The following APP variants were observed in gnomAD, a reference collection of about 807,000 sequenced individuals.
APP encodes amyloid beta precursor protein, also known as amyloid-beta precursor protein.
A neutral mutation model predicts 101.4 loss-of-function variants in APP; 31 were observed. The observed-to-expected ratio is 0.31, with a 90% CI of 0.23 to 0.41. APP has a LOEUF of 0.41. APP is among the 10% of genes least tolerant of loss of function. The probability of loss-of-function intolerance (pLI) is 1.00; values close to 1 mark genes in which losing one functional copy is unlikely to be tolerated. For missense variants in APP, 839 were observed against 1,003.7 expected (o/e 0.84, Z 2.22); for synonymous variants, 366 against 364.4 (o/e 1.00, Z -0.05).
intron 1 of APP, among the ~76,000 whole-genome samples, chr21:26,163,509 C>T (rs942724151): frequency 2.6e-5 from 4 of 152,134 alleles, no homozygotes; most frequent in Admixed American, 6.5e-5. Flanking sequence ...CCTATTTATT[C>T]CTCATCCCTG....
At chr21:26,024,791 T>A (rs1434347844) in intron 5 of APP, among the ~76,000 whole-genome samples, 2 of 152,108 alleles carry the variant, frequency 1.3e-5, no homozygotes, top group African/African-American at 4.8e-5. Flanking sequence ...TTCAAAAAAA[T>A]GTGTATGACC....
At chr21:25,958,911 C>A (rs2041451976) in intron 11 of APP, among the ~76,000 whole-genome samples, 1 of 152,162 alleles carries the variant, frequency 6.6e-6, no homozygotes, top group African/African-American at 2.4e-5. Context: ...AGAGTCATAG[C>A]AGCTCTCCCC....
intron 13 of APP, among the ~76,000 whole-genome samples, chr21:25,949,785 G>T (rs1008037614): frequency 5.9e-5 from 9 of 152,212 alleles, no homozygotes; most frequent in Non-Finnish European, 1.0e-4. Context: ...CTTTCACATT[G>T]AGGTTAAGTA....
chr21:25,963,160 T>G (rs1037559142), intron 11 of APP, among the ~76,000 whole-genome samples: 2 of 152,190 alleles, frequency 1.3e-5, no homozygotes, highest in Non-Finnish European at 2.9e-5. Context: ...CGTATTTACT[T>G]TTTCATTTTT....
At chr21:25,940,492 T>C (rs1233563156) in intron 13 of APP, among the ~76,000 whole-genome samples, 1 of 152,180 alleles carries the variant, frequency 6.6e-6, no homozygotes, top group African/African-American at 2.4e-5. Flanking sequence ...AAACTACCAA[T>C]TGGCCATAAT....
At chr21:26,109,718 A>T (rs2062268227) in intron 2 of APP, among the ~76,000 whole-genome samples, 1 of 4,958 alleles carries the variant, frequency 2.0e-4, no homozygotes, top group Admixed American at 2.9e-3. Flanking sequence ...GGGGTCAAGA[A>T]GAGTAATTTT....
At chr21:25,910,702 C>T (rs2039028789) in intron 14 of APP, among the ~76,000 whole-genome samples, 1 of 152,182 alleles carries the variant, frequency 6.6e-6, no homozygotes, top group Non-Finnish European at 1.5e-5. Context: ...TCTTACTTCT[C>T]TGAGGTACCA....
At chr21:26,002,696 A>G (rs1172061801) in intron 6 of APP, among the ~76,000 whole-genome samples, 1 of 152,112 alleles carries the variant, frequency 6.6e-6, no homozygotes, top group Non-Finnish European at 1.5e-5. Context: ...GAATCCCTTC[A>G]CCCCATAGTC....
At chr21:25,918,537 G>A (rs2039470243) in intron 13 of APP, among the ~76,000 whole-genome samples, 1 of 152,070 alleles carries the variant, frequency 6.6e-6, no homozygotes, top group Non-Finnish European at 1.5e-5. Context: ...CCGTGCGCGA[G>A]CCGAAGCAGG....
At chr21:26,007,703 G>A (rs2043598748) in intron 6 of APP, among the ~76,000 whole-genome samples, 1 of 151,800 alleles carries the variant, frequency 6.6e-6, no homozygotes, top group South Asian at 2.1e-4. Context: ...TGATTCTACT[G>A]ATGAAAAAAT....
intron 5 of APP, among the ~76,000 whole-genome samples, chr21:26,025,298 C>A (rs181983472): frequency 5.6e-4 from 85 of 152,258 alleles, no homozygotes; most frequent in African/African-American, 1.9e-3. Context: ...GTTAATTTAC[C>A]GTGTTTGAGA....
chr21:26,095,104 A>G (rs1601445153), intron 2 of APP, among the ~76,000 whole-genome samples: 1 of 152,184 alleles, frequency 6.6e-6, no homozygotes, highest in Non-Finnish European at 1.5e-5. Flanking sequence ...TTGGCCTCCC[A>G]AAGTGTTGGG....
At chr21:25,972,765 A>G (rs903889915) in intron 11 of APP, among the ~76,000 whole-genome samples, 2 of 152,172 alleles carry the variant, frequency 1.3e-5, no homozygotes, top group African/African-American at 4.8e-5. Context: ...ATCTGCGCAA[A>G]GAGTTTACAG....
chr21:26,121,997 G>C (rs1157717864), intron 1 of APP, among the ~76,000 whole-genome samples: 1 of 152,200 alleles, frequency 6.6e-6, no homozygotes, highest in African/African-American at 2.4e-5. Context: ...GAGGTAGTGG[G>C]TCTACCATTT....
rs143748572 is a variant in APP at position 25,913,152 on chromosome 21, T to C, written c.1688-1190A>G. 1.8e-4 allele frequency among the ~76,000 whole-genome samples: 27 copies of C among 152,106 alleles called. No homozygotes were observed. The East Asian group carries it at 3.7e-3, about 21-fold the overall frequency. ...ATCATCTTTCAAATTCTCTTTTCTA[T>C]TGACAAAAAATGTATCTGAAAAATT... On this transcript the variant is annotated intron_variant, in intron 13 of 17. Transcript: ENST00000346798.
At chr21:26,108,257 CATTT>C (rs937497522) in intron 2 of APP, among the ~76,000 whole-genome samples, 3 of 152,348 alleles carry the variant, frequency 2.0e-5, no homozygotes, top group African/African-American at 7.2e-5. Context: ...AACTCAGTAA[CATTT>C]ATGATGTATT....
chr21:26,075,361 A>C (rs887899446), intron 3 of APP, among the ~76,000 whole-genome samples: 1 of 152,180 alleles, frequency 6.6e-6, no homozygotes, highest in African/African-American at 2.4e-5. Flanking sequence ...ACTTATTCAC[A>C]ATATAGCTGC....
At chr21:25,995,943 G>C (rs985933985) in intron 8 of APP, among the ~76,000 whole-genome samples, 4 of 143,468 alleles carry the variant, frequency 2.8e-5, no homozygotes, top group African/African-American at 1.0e-4. Context: ...TTGAGATGAG[G>C]GTTTTTTTTT....
chr21:25,890,155 C>T (rs574465405), intron 17 of APP, among the ~76,000 whole-genome samples: 6 of 152,098 alleles, frequency 3.9e-5, no homozygotes, highest in Non-Finnish European at 7.4e-5. Flanking sequence ...TGGGTCAGTC[C>T]GTTCCTTTCC....
Sources: gnomAD v4.1 joint callset for allele counts (sites outside exome capture counted in the v4.1 genomes callset) on GRCh38, gnomAD v4.1.1 for gene constraint, MANE v1.5 for transcripts, NCBI Gene and HGNC (gene_info 2026-07-23, HGNC 2026-07-21) for gene names.